Variants in PSORS1C1 observed in about 807,000 individuals in gnomAD.
PSORS1C1 encodes the protein psoriasis susceptibility 1 candidate 1.
PSORS1C1 carries 7 observed loss-of-function variants against 9.4 expected under a neutral mutation model. The ratio of observed to expected loss-of-function variants is 0.75; its 90% CI spans 0.42 to 1.40. The LOEUF is 1.40. Ranked by LOEUF, PSORS1C1 falls within the 40% of genes most tolerant of loss-of-function variation. The pLI is 0.01. For synonymous variants in PSORS1C1, 63 were observed against 69.4 expected, an observed-to-expected ratio of 0.91 and a Z score of 0.46; for missense variants, 146 against 178.1, an observed-to-expected ratio of 0.82 and a Z score of 1.02.
rs979828692 is a variant in PSORS1C1, at chr6:31,117,836, C to T, written c.-229+2945C>T. 1.0e-5 allele frequency: 4 copies of T among 389,636 alleles called. No homozygotes were observed. The East Asian group carries it at 1.7e-4, about 17-fold the overall frequency. 24.1% of individuals were successfully genotyped at this position (389,636 alleles called of 1,614,324 possible). A position where few individuals can be genotyped will look rare whatever the true frequency, so the allele number is the denominator to read the frequency against. On this transcript the variant is annotated intron_variant, in intron 1 of 5. Transcript: ENST00000259881. Reference sequence around the variant, plus strand: ...AGAGGGGGCTGGGCACAGTGGCTCACGCCGGTAATCCCAGCACTTTGGGAG... The same window carrying T: ...AGAGGGGGCTGGGCACAGTGGCTCATGCCGGTAATCCCAGCACTTTGGGAG...
intron 1 of PSORS1C1, chr6:31,116,301 T>C (rs17852998): frequency 3.1e-6 from 5 of 1,613,948 alleles, no homozygotes; most frequent in East Asian, 2.2e-5. Flanking sequence ...TGCCACTGGA[T>C]TGGGAACTGG....
chr6:31,127,561 A>AATTATTATTATT (rs9257056), intron 2 of PSORS1C1, among the ~76,000 whole-genome samples: 31,790 of 141,332 alleles, frequency 0.22, 3,788 homozygotes, highest in African/African-American at 0.25. Context: ...AGGAGACAGG[A>AATTATTATTATT]ATTATTATTA....
intron 3 of PSORS1C1, 78 bp from the exon 4 acceptor site, chr6:31,138,352 T>TCCCCAGCCCCACCCAG: frequency 6.2e-7 from 1 of 1,601,140 alleles, no homozygotes; most frequent in Non-Finnish European, 8.5e-7. Context: ...AGGGCTTCTC[T>TCCCCAGCCCCACCCAG]CCCCAGCCCC....
intron 3 of PSORS1C1, among the ~76,000 whole-genome samples, 192 bp downstream of exon 3, chr6:31,129,837 G>A (rs1342096413): frequency 6.6e-6 from 1 of 152,222 alleles, no homozygotes; most frequent in Non-Finnish European, 1.5e-5. Flanking sequence ...TAGTGCTGTG[G>A]AATTAAAGAA....
intron 1 of PSORS1C1, among the ~76,000 whole-genome samples, chr6:31,120,691 C>T (rs1272811882): frequency 1.3e-5 from 2 of 152,130 alleles, no homozygotes; most frequent in African/African-American, 4.8e-5. Flanking sequence ...GCCCCGGCTC[C>T]TCATTGCCTA....
intron 3 of PSORS1C1, 117 bp from the exon 4 acceptor site, chr6:31,138,313 A>G (rs755944410): frequency 1.5e-5 from 24 of 1,603,322 alleles, no homozygotes; most frequent in Non-Finnish European, 2.0e-5. Context: ...ATGCCTGTAA[A>G]GGAGGAAGGA....
chr6:31,123,696 T>A (rs879937979), intron 1 of PSORS1C1, among the ~76,000 whole-genome samples: 5 of 152,180 alleles, frequency 3.3e-5, no homozygotes, highest in African/African-American at 1.2e-4. Flanking sequence ...CACTGTCCCC[T>A]CTGGTCCCCT....
rs1243219436 is a variant in PSORS1C1, at chr6:31,138,432, C to CA, written c.22dup (p.Ser8LysfsTer21). 1.2e-6 allele frequency: 2 copies of CA among 1,612,472 alleles called. No individual in the cohort carries two copies. Among genetic ancestry groups the CA allele is most frequent in the East Asian group, 4.5e-5 (2 of 44,854 alleles). ...AGCCTGAACTGACCCACAAACAGACCAAAAAAGTCACTCTCAAAGAGCTCT... is the reference window on the plus strand; with the variant it reads ...AGCCTGAACTGACCCACAAACAGACCAAAAAAAGTCACTCTCAAAGAGCTCT... On this transcript the variant is annotated frameshift_variant, in exon 4 of 6. Transcript: ENST00000259881. LOFTEE classifies it high-confidence loss of function.
intron 2 of PSORS1C1, among the ~76,000 whole-genome samples, chr6:31,127,537 C>T (rs1452753301): frequency 1.5e-5 from 2 of 134,902 alleles, no homozygotes; most frequent in Admixed American, 7.9e-5. Flanking sequence ...GATCTCCATT[C>T]TCTCAATGAC....
intron 1 of PSORS1C1, among the ~76,000 whole-genome samples, chr6:31,124,997 A>T (rs1206434941): frequency 1.3e-5 from 2 of 149,742 alleles, no homozygotes; most frequent in African/African-American, 4.9e-5. Context: ...TTCTTAAGTG[A>T]AGGTTACTGG....
chr6:31,139,024 CATGG>C lies in PSORS1C1; in HGVS notation c.167+246_167+249del. ...TCCCCAGGAGCTTCCAGTTGAGGAT[CATGG>C]CTATGTACTGGCCCCCAAAGCTGGG... On this transcript the variant is annotated intron_variant, in intron 5 of 5. Coordinates refer to ENST00000259881, the MANE Select transcript of PSORS1C1 (RefSeq NM_014068.3). The surrounding 1 kb of genome is among the most constrained non-coding windows in gnomAD (Gnocchi z 5.2). The C allele has an allele frequency of 1.2e-6, 2 of 1,614,106 alleles. No homozygotes were observed. The highest frequency in any genetic ancestry group is 2.2e-5 in the South Asian group (2 of 91,072).
At chr6:31,138,911 C>T (rs546835789) in intron 5 of PSORS1C1, 132 bp downstream of exon 5, 22 of 1,600,086 alleles carry the variant, frequency 1.4e-5, no homozygotes, top group Middle Eastern at 1.7e-4. Flanking sequence ...AGTTCACCTC[C>T]GCCATCTTGA....
intron 1 of PSORS1C1, among the ~76,000 whole-genome samples, chr6:31,123,317 A>G (rs551701241): frequency 5.9e-5 from 9 of 152,318 alleles, no homozygotes; most frequent in Middle Eastern, 3.4e-3. Flanking sequence ...TTTTTTACTG[A>G]AACCCTGCCT....
rs189787593 is a variant in PSORS1C1 at position 31,127,707 on chromosome 6, G to A, written c.-64-1862G>A. Among the ~76,000 whole-genome samples, 473 of 151,998 alleles carry A rather than the reference G, an allele frequency of 3.1e-3. 4 individuals carry two copies. Among genetic ancestry groups the A allele is most frequent in the Middle Eastern group, 0.01 (3 of 294 alleles). ...TGAACACTTGTAATCCCAGCTACCC[G>A]GGAGGCTGAGACAGGAGAATCACTT... On this transcript the variant is annotated intron_variant, in intron 2 of 5. Transcript: ENST00000259881.
intron 1 of PSORS1C1, chr6:31,120,265 C>G: frequency 8.1e-7 from 1 of 1,232,530 alleles, no homozygotes; most frequent in South Asian, 1.3e-5. Flanking sequence ...CTGCCTGTCC[C>G]CTTCGCTGGG....
chr6:31,115,745 G>C lies in PSORS1C1; in HGVS notation c.-229+854G>C. On this transcript the variant is annotated intron_variant, in intron 1 of 5. Coordinates refer to ENST00000259881, the MANE Select transcript of PSORS1C1 (RefSeq NM_014068.3). The surrounding 1 kb of genome is among the most constrained non-coding windows in gnomAD (Gnocchi z 4.2). ...CACACAGTAGAGGGAATTGTAAGGG[G>C]TGGTGATCTGGCTGAGGGGCACTGT... The C allele has an allele frequency of 1.9e-6, 1 of 518,760 alleles. No individual in the cohort carries two copies. The highest frequency in any genetic ancestry group is 3.0e-5 in the East Asian group (1 of 33,504). 32.1% of individuals were successfully genotyped at this position (518,760 alleles called of 1,614,324 possible).
intron 1 of PSORS1C1, chr6:31,117,520 G>A: frequency 6.4e-7 from 1 of 1,550,434 alleles, no homozygotes; most frequent in South Asian, 1.2e-5. Flanking sequence ...AATGCTCTTA[G>A]CCAAGGTCCC....
intron 3 of PSORS1C1, among the ~76,000 whole-genome samples, chr6:31,132,399 G>A (rs376822797): frequency 5.2e-4 from 75 of 144,768 alleles, no homozygotes; most frequent in African/African-American, 1.9e-3. Flanking sequence ...GCGCATGCCT[G>A]TAATCCCAGC....
At chr6:31,116,542 G>A in intron 1 of PSORS1C1, 5 of 1,613,910 alleles carry the variant, frequency 3.1e-6, no homozygotes, top group Non-Finnish European at 4.2e-6. Context: ...CGACTGGCTG[G>A]GGATGATGGG....
Sources: gnomAD v4.1 joint callset for allele counts (sites outside exome capture counted in the v4.1 genomes callset) on GRCh38, gnomAD v4.1.1 for gene constraint, Gnocchi (gnomAD v3.1) non-coding constraint, MANE v1.5 for transcripts, NCBI Gene and HGNC (gene_info 2026-07-23, HGNC 2026-07-21) for gene names.